NDUFA10: variants seen among roughly 807,000 people sequenced by gnomAD.
NDUFA10 encodes NADH:ubiquinone oxidoreductase subunit A10, also known as NADH dehydrogenase [ubiquinone] 1 alpha subcomplex subunit 10, mitochondrial.
A neutral mutation model predicts 47.8 loss-of-function variants in NDUFA10; 40 were observed. The observed-to-expected ratio is 0.84, with a 90% confidence interval of 0.65 to 1.09. The LOEUF is 1.09. NDUFA10 is among the 50% of genes least tolerant of loss of function. The pLI is 0.00. For missense variants in NDUFA10, 413 were observed against 451.1 expected, an observed-to-expected ratio of 0.92 and a Z score of 0.76; for synonymous variants, 183 against 172.2, an observed-to-expected ratio of 1.06 and a Z score of -0.49.
chr2:240,007,498 G>C (rs954921410), intron 6 of NDUFA10, 128 bp from the exon 7 acceptor site: 1 of 724,184 alleles, frequency 1.4e-6, no homozygotes, highest in African/African-American at 1.7e-5. Context: ...ACTGGGCATT[G>C]TGCTGGGCAT....
intron 8 of NDUFA10, among the ~76,000 whole-genome samples, chr2:239,995,768 T>C (rs752015263): frequency 3.9e-5 from 6 of 152,168 alleles, no homozygotes; most frequent in Non-Finnish European, 8.8e-5. Flanking sequence ...CCCACACTAA[T>C]TGAAAGCTGC....
chr2:239,939,856 G>T (rs10933601), intron 4 of NDUFA10, among the ~76,000 whole-genome samples: 43,974 of 152,134 alleles, frequency 0.29, 7,045 homozygotes, highest in Non-Finnish European at 0.36. Context: ...GGGCCACATG[G>T]CCCCTCCTGG....
At chr2:240,002,568 C>A (rs182611496) in intron 8 of NDUFA10, among the ~76,000 whole-genome samples, 1 of 151,912 alleles carries the variant, frequency 6.6e-6, no homozygotes, top group African/African-American at 2.4e-5. Context: ...TACCTCACTG[C>A]CATAATCTTA....
At chr2:240,004,517 T>C (rs1696861946) in intron 8 of NDUFA10, among the ~76,000 whole-genome samples, 1 of 143,410 alleles carries the variant, frequency 7.0e-6, no homozygotes, top group African/African-American at 2.5e-5. Context: ...CCCCTCCTAG[T>C]CCTACCCCCT....
At chr2:239,897,431 A>G (rs985429989) in intron 4 of NDUFA10, among the ~76,000 whole-genome samples, 5 of 152,214 alleles carry the variant, frequency 3.3e-5, no homozygotes, top group African/African-American at 9.6e-5. Flanking sequence ...ATTAACATGC[A>G]CGTACCACAC....
intron 4 of NDUFA10, among the ~76,000 whole-genome samples, chr2:239,911,121 A>G (rs12986883): frequency 0.31 from 47,826 of 151,964 alleles, 8,142 homozygotes; most frequent in Non-Finnish European, 0.35. Flanking sequence ...TTCCTGCCAG[A>G]AACTCAAGTC....
chr2:239,939,458 G>C (rs561765969), intron 4 of NDUFA10, among the ~76,000 whole-genome samples: 1 of 152,246 alleles, frequency 6.6e-6, no homozygotes, highest in African/African-American at 2.4e-5. Flanking sequence ...GGCCACCCGC[G>C]TACTCCAACG....
intron 4 of NDUFA10, among the ~76,000 whole-genome samples, chr2:239,896,051 G>T (rs1364626826): frequency 6.6e-6 from 1 of 152,232 alleles, no homozygotes; most frequent in Admixed American, 6.5e-5. Flanking sequence ...TTCTACATTT[G>T]AAGTGGACTC....
chr2:239,977,191 A>G (rs1359246999), intron 9 of NDUFA10, among the ~76,000 whole-genome samples: 2 of 152,172 alleles, frequency 1.3e-5, no homozygotes, highest in Non-Finnish European at 2.9e-5. Context: ...TCTTCCTAAC[A>G]GTAACGAAGG....
chr2:239,919,246 C>T (rs922124502), intron 4 of NDUFA10, among the ~76,000 whole-genome samples: 13 of 152,224 alleles, frequency 8.5e-5, no homozygotes, highest in African/African-American at 1.9e-4. Context: ...TGCCCCTCTT[C>T]GGGCTGTTTT....
chr2:239,939,945 T>C (rs1694335685), intron 4 of NDUFA10, among the ~76,000 whole-genome samples: 1 of 152,212 alleles, frequency 6.6e-6, no homozygotes, highest in Non-Finnish European at 1.5e-5. Flanking sequence ...AGGAGAGGCC[T>C]GGCAACAAGT....
downstream of NDUFA10, among the ~76,000 whole-genome samples, chr2:239,953,819 G>A (rs553547801): frequency 6.6e-6 from 1 of 152,338 alleles, no homozygotes; most frequent in South Asian, 2.1e-4. Context: ...GCTCCTTCAG[G>A]AACTGCAAAC....
At chr2:240,023,273 T>C (rs1185509818) in intron 1 of NDUFA10, among the ~76,000 whole-genome samples, 1 of 152,014 alleles carries the variant, frequency 6.6e-6, no homozygotes, top group Non-Finnish European at 1.5e-5. Context: ...AAACAAAGAA[T>C]AAAAACACAC....
chr2:240,022,661 T>A (rs569451431), intron 1 of NDUFA10, among the ~76,000 whole-genome samples: 1 of 152,048 alleles, frequency 6.6e-6, no homozygotes, highest in Non-Finnish European at 1.5e-5. Flanking sequence ...GATGGATGGA[T>A]GGATGGACGG....
chr2:239,963,946 G>A (rs1465863303), intron 9 of NDUFA10, among the ~76,000 whole-genome samples: 1 of 152,190 alleles, frequency 6.6e-6, no homozygotes, highest in South Asian at 2.1e-4. Flanking sequence ...AGCTCTGCAC[G>A]AAGACAGGAG....
downstream of NDUFA10, among the ~76,000 whole-genome samples, chr2:239,953,109 G>A (rs150698453): frequency 2.0e-5 from 3 of 152,358 alleles, no homozygotes; most frequent in Non-Finnish European, 4.4e-5. Flanking sequence ...GGGACCTCGG[G>A]TGGCAAAGGG....
downstream of NDUFA10, among the ~76,000 whole-genome samples, chr2:239,955,913 C>CA (rs1694643351): frequency 6.6e-6 from 1 of 152,190 alleles, no homozygotes; most frequent in South Asian, 2.1e-4. Context: ...AGCCCGGAGT[C>CA]AGAGACGGCG....
At chr2:239,915,841 A>G (rs563095607) in intron 4 of NDUFA10, among the ~76,000 whole-genome samples, 1 of 151,626 alleles carries the variant, frequency 6.6e-6, no homozygotes, top group South Asian at 2.1e-4. Context: ...CACACACAGA[A>G]CACACACATA....
chr2:239,930,630 G>A (rs1044395651), intron 4 of NDUFA10, among the ~76,000 whole-genome samples: 6 of 152,260 alleles, frequency 3.9e-5, no homozygotes, highest in Middle Eastern at 3.4e-3. Flanking sequence ...TGAGCACCAG[G>A]AAGGAAAGGT....
Sources: allele counts gnomAD v4.1 joint callset (sites outside exome capture counted in the v4.1 genomes callset), GRCh38; gene constraint gnomAD v4.1.1; transcripts MANE v1.5; gene names NCBI Gene and HGNC (gene_info 2026-07-23, HGNC 2026-07-21).